KHNYN: variants seen among roughly 807,000 people sequenced by gnomAD.
KHNYN encodes the protein protein KHNYN.
Under a neutral mutation model 62.7 loss-of-function variants are expected in KHNYN, and 42 were observed. That is an observed-to-expected ratio of 0.67 (90% CI 0.52 to 0.87). The LOEUF (loss-of-function observed/expected upper bound fraction) is 0.87, where lower values mean the gene tolerates loss of function less well. KHNYN is among the 40% of genes least tolerant of loss of function. KHNYN has a pLI of 0.00. For synonymous variants in KHNYN, 347 were observed against 345.6 expected, an observed-to-expected ratio of 1.00 and a Z score of -0.04; for missense variants, 829 against 874.1, an observed-to-expected ratio of 0.95 and a Z score of 0.65.
At chr14:24,425,939 C>T (rs2043015917), upstream of KHNYN, among the ~76,000 whole-genome samples, 1 of 152,190 alleles carries the variant, frequency 6.6e-6, no homozygotes, top group South Asian at 2.1e-4. Context: ...TGTACTCACC[C>T]CTCCCTACTT....
chr14:24,426,537 A>C (rs2139366578), upstream of KHNYN: 1 of 152,340 alleles, frequency 6.6e-6, no homozygotes, highest in South Asian at 2.1e-4. Context: ...TCAACTTTTA[A>C]AATGTAATTT....
chr14:24,429,408 G>A (rs966555658), upstream of KHNYN: 1 of 563,890 alleles, frequency 1.8e-6, no homozygotes, highest in Non-Finnish European at 3.4e-6. Context: ...GGAGAACATG[G>A]TATGTGTGTG....
At chr14:24,434,230 G>A (rs940085077) in intron 5 of KHNYN, 15 of 985,286 alleles carry the variant, frequency 1.5e-5, no homozygotes, top group Non-Finnish European at 1.8e-5. Context: ...GGACCTGGTT[G>A]GCAGATAACA....
chr14:24,440,541 A>G lies in KHNYN; in HGVS notation c.*3256A>G. The G allele has an allele frequency of 6.4e-7, 1 of 1,550,806 alleles. No individual in the cohort carries two copies. Among genetic ancestry groups the G allele is most frequent in the South Asian group, 1.2e-5 (1 of 85,284 alleles). ...ACAGGGGTCCTCTCAGCCTTGAAGG[A>G]GCCCACTGCTCCTCCTGGTTTCTGT... On this transcript the variant is annotated 3_prime_UTR_variant, in exon 8 of 8. Transcript: ENST00000553935.
At chr14:24,427,610 C>T (rs577973641), upstream of KHNYN, 48 of 655,658 alleles carry the variant, frequency 7.3e-5, no homozygotes, top group Admixed American at 5.9e-4. The surrounding 1 kb of genome is among the most constrained non-coding windows in gnomAD (Gnocchi z 4.4). Context: ...AAGGCCTGGT[C>T]TGGAGATGCC....
chr14:24,427,879 C>T (rs1345690876), upstream of KHNYN: 1 of 1,614,100 alleles, frequency 6.2e-7, no homozygotes, highest in Non-Finnish European at 8.5e-7. The surrounding 1 kb of genome is among the most constrained non-coding windows in gnomAD (Gnocchi z 4.4). Context: ...ACACTCGGTC[C>T]CCAGGGTCCA....
At chr14:24,436,883 G>T (rs2043213416) in intron 7 of KHNYN, among the ~76,000 whole-genome samples, 153 bp from the exon 8 acceptor site, 1 of 152,170 alleles carries the variant, frequency 6.6e-6, no homozygotes, top group South Asian at 2.1e-4. Flanking sequence ...TCAGAAGTGG[G>T]TTGATACTGC....
At position 24,441,082 on chromosome 14, in the gene KHNYN, A is replaced by G; in HGVS notation, c.*3797A>G. On this transcript the variant is annotated 3_prime_UTR_variant, in exon 8 of 8. Coordinates refer to ENST00000553935, the MANE Select transcript of KHNYN (RefSeq NM_015299.3). ...TATTTTCCCCTTGAACTTCTCCATG[A>G]CCTGAAGCGTTCCTTCCCTGGAGGA... The G allele has an allele frequency of 1.2e-6, 1 of 818,012 alleles. No homozygotes were observed. Among genetic ancestry groups the G allele is most frequent in the South Asian group, 1.5e-5 (1 of 68,256 alleles). 50.7% of individuals were successfully genotyped at this position (818,012 alleles called of 1,614,324 possible).
chr14:24,431,939 T>A lies in KHNYN; in HGVS notation c.678T>A (p.Ala226=), dbSNP rs752445111. 5.6e-6 allele frequency: 9 copies of A among 1,613,146 alleles called. No individual in the cohort carries two copies. The highest frequency in any genetic ancestry group is 7.6e-6 in the Non-Finnish European group (9 of 1,179,540). Residue 226 remains alanine, a synonymous_variant, in exon 3 of 8, where the codon GCT becomes GCA. Coordinates refer to ENST00000553935, the MANE Select transcript of KHNYN (RefSeq NM_015299.3). ...GTGCTCAGTGCCAAGGAGTGAGAGC[T>A]CCCCCTAGTGACGGCAGGGAGTCCC... ...LLGAQCQGVR[A]PPSDGRESLD... is the part of the protein sequence containing the mutation.
upstream of KHNYN, among the ~76,000 whole-genome samples, chr14:24,425,874 G>A (rs533380304): frequency 7.9e-5 from 12 of 152,154 alleles, no homozygotes; most frequent in Admixed American, 7.2e-4. Context: ...AGTTCCACCA[G>A]TATCTTTCAT....
At chr14:24,430,209 G>C (rs2043079596) in intron 1 of KHNYN, 90 bp downstream of exon 1, 2 of 935,042 alleles carry the variant, frequency 2.1e-6, no homozygotes, top group African/African-American at 1.8e-5. Context: ...CCCAGTCCGC[G>C]GTGGGCGGGC....
Position 24,430,106 on chromosome 14 carries a change from G to A in KHNYN, c.-31G>A, listed in dbSNP as rs1367648509. 1.0e-6 allele frequency: 1 copy of A among 985,352 alleles called. No individual in the cohort carries two copies. Among genetic ancestry groups the A allele is most frequent in the East Asian group, 1.1e-4 (1 of 8,774 alleles). 61.0% of individuals were successfully genotyped at this position (985,352 alleles called of 1,614,324 possible). A position where few individuals can be genotyped will look rare whatever the true frequency, so the allele number is the denominator to read the frequency against. On this transcript the variant is annotated 5_prime_UTR_variant, in exon 1 of 8. Transcript: ENST00000553935. ...CGCTGAGAGGACCTGAAGCCGGCGC[G>A]GGCGGCGGAGGCGGTAGGCGCGCCC...
At position 24,439,746 on chromosome 14, in the gene KHNYN, G is replaced by C. The variant is rs1594761410; in HGVS notation, c.*2461G>C. 5.2e-6 allele frequency: 1 copy of C among 191,510 alleles called. No individual in the cohort carries two copies. The highest frequency in any genetic ancestry group is 6.0e-5 in the Admixed American group (1 of 16,590). 11.9% of individuals were successfully genotyped at this position (191,510 alleles called of 1,614,324 possible). A position where few individuals can be genotyped will look rare whatever the true frequency, so the allele number is the denominator to read the frequency against. On this transcript the variant is annotated 3_prime_UTR_variant, in exon 8 of 8. Transcript: ENST00000553935. ...TGAAGTAAATCCCAGGAGAATCTAG[G>C]CCAAAGAGATGAGCCAAGGTTAGTG...
At chr14:24,428,006 T>C (rs1309450052), upstream of KHNYN, 1 of 1,607,228 alleles carries the variant, frequency 6.2e-7, no homozygotes, top group Non-Finnish European at 8.5e-7. Context: ...GGAGCCCAGT[T>C]AGCCCCCATT....
At position 24,430,983 on chromosome 14, in the gene KHNYN, A is replaced by C. The variant is rs754246961; in HGVS notation, c.201+52A>C. 5 of 1,530,530 alleles carry C rather than the reference A, an allele frequency of 3.3e-6. No individual in the cohort carries two copies. The East Asian group carries it at 1.2e-4, about 36-fold the overall frequency. The allele number at this position is 1,530,530 out of a possible 1,614,324, so 94.8% of individuals were successfully genotyped here. A position where few individuals can be genotyped will look rare whatever the true frequency, so the allele number is the denominator to read the frequency against. ...CCAGGCACCAAGGACGCTTTCCCCC[A>C]GGGCGGAGGAGAGCAGGGCCGAGGA... On this transcript the variant is annotated intron_variant, in intron 2 of 7. Transcript: ENST00000553935.
upstream of KHNYN, chr14:24,428,360 A>C: frequency 6.2e-7 from 1 of 1,613,932 alleles, no homozygotes; most frequent in South Asian, 1.1e-5. Context: ...GGGGCTACGA[A>C]GGAGCCAGAG....
chr14:24,435,356 G>A (rs560098577), intron 5 of KHNYN: 2 of 152,516 alleles, frequency 1.3e-5, no homozygotes, highest in African/African-American at 4.8e-5. Flanking sequence ...TTAGCTGCCA[G>A]GCCTGGGTGT....
chr14:24,430,500 G>A (rs924274050), intron 1 of KHNYN: 65 of 1,378,964 alleles, frequency 4.7e-5, no homozygotes, highest in Non-Finnish European at 5.6e-5. Flanking sequence ...GCCCACTCTC[G>A]ATAGACAGCC....
At chr14:24,426,003 A>C (rs1332157835), upstream of KHNYN, among the ~76,000 whole-genome samples, 1 of 152,204 alleles carries the variant, frequency 6.6e-6, no homozygotes, top group Non-Finnish European at 1.5e-5. Flanking sequence ...TGCCTACTAT[A>C]TTTATGTTCT....
Sources: allele counts gnomAD v4.1 joint callset (sites outside exome capture counted in the v4.1 genomes callset), GRCh38; gene constraint gnomAD v4.1.1; non-coding constraint Gnocchi (gnomAD v3.1); transcripts MANE v1.5; gene names NCBI Gene and HGNC (gene_info 2026-07-23, HGNC 2026-07-21).